Variants in TDP1 observed in about 807,000 individuals in gnomAD.
TDP1 encodes the protein tyrosyl-DNA phosphodiesterase 1.
In TDP1, 64 loss-of-function variants were observed where a neutral mutation model predicts 81.5. That is an observed-to-expected ratio of 0.79 (90% CI 0.64 to 0.97). The LOEUF is 0.97. TDP1 is among the 50% of genes least tolerant of loss of function. The pLI, the probability that TDP1 is intolerant of heterozygous loss-of-function variation, is 0.00. For missense variants in TDP1, 723 were observed against 743.8 expected, an observed-to-expected ratio of 0.97 and a Z score of 0.33; for synonymous variants, 256 against 264.3, an observed-to-expected ratio of 0.97 and a Z score of 0.30.
intron 6 of TDP1, among the ~76,000 whole-genome samples, chr14:89,974,053 C>A (rs1353550199): frequency 6.6e-6 from 1 of 152,164 alleles, no homozygotes; most frequent in African/African-American, 2.4e-5. Flanking sequence ...TGCAAATAGT[C>A]ACATTGGAAG....
Position 89,989,045 on chromosome 14 carries a change from G to C in TDP1, c.1272G>C (p.Gly424=), listed in dbSNP as rs1213196493. Residue 424 remains glycine, a synonymous_variant, in exon 11 of 17, where the codon GGG becomes GGC. Coordinates refer to ENST00000335725, the MANE Select transcript of TDP1 (RefSeq NM_018319.4). The part of the protein sequence containing the change: ...SEFKESMLTL[G]KESKTPGKSS... ...TTAAAGAGAGCATGCTGACACTGGG[G>C]AAGGAAAGCAAGACTCCAGGAAAAA... is the stretch of plus-strand genomic sequence containing the variant. The C allele has an allele frequency of 6.2e-7, 1 of 1,614,108 alleles. No homozygotes were observed. Among genetic ancestry groups the C allele is most frequent in the Non-Finnish European group, 8.5e-7 (1 of 1,179,988 alleles).
At chr14:89,960,350 TA>T (rs1892182752) in intron 2 of TDP1, among the ~76,000 whole-genome samples, 1 of 152,138 alleles carries the variant, frequency 6.6e-6, no homozygotes, top group East Asian at 1.9e-4. Flanking sequence ...TGTTGAGTAG[TA>T]AATCAATCTG....
At chr14:89,989,678 G>A (rs766138847) in intron 11 of TDP1, 39 bp from the exon 12 acceptor site, 4 of 1,490,430 alleles carry the variant, frequency 2.7e-6, no homozygotes, top group Admixed American at 3.4e-5. Flanking sequence ...TCTTCAACAT[G>A]GTACATTCCG....
intron 2 of TDP1, among the ~76,000 whole-genome samples, chr14:89,957,656 G>T (rs1194734663): frequency 6.6e-6 from 1 of 152,186 alleles, no homozygotes; most frequent in African/African-American, 2.4e-5. Context: ...AGCTCTAAAT[G>T]GAGTACCCTT....
At chr14:89,959,985 T>C (rs1001354023) in intron 2 of TDP1, among the ~76,000 whole-genome samples, 2 of 152,204 alleles carry the variant, frequency 1.3e-5, no homozygotes, top group Admixed American at 1.3e-4. Context: ...TAAGACCTGC[T>C]ACTTACTTTA....
chr14:89,967,167 A>G (rs2139977101), intron 4 of TDP1, 200 bp from the exon 5 acceptor site: 1 of 960,960 alleles, frequency 1.0e-6, no homozygotes, highest in East Asian at 1.2e-4. Flanking sequence ...ACTTGGCTCC[A>G]TTTAGGTTCT....
intron 14 of TDP1, among the ~76,000 whole-genome samples, chr14:90,003,158 G>A (rs1195200335): frequency 2.0e-5 from 3 of 152,060 alleles, no homozygotes; most frequent in East Asian, 1.9e-4. Context: ...GGCTGGTCTC[G>A]AACTCCTGAC....
chr14:89,990,711 G>A (rs1342058225), intron 12 of TDP1, among the ~76,000 whole-genome samples: 2 of 151,732 alleles, frequency 1.3e-5, no homozygotes, highest in Non-Finnish European at 2.9e-5. Flanking sequence ...TTTTAACAAA[G>A]TTGTTTTATA....
In TDP1 at chr14:90,039,673, T is replaced by TAA. The variant is rs35233912; in HGVS notation, c.1754-3384_1754-3383dup. ...ACGTCACTTGGATTTATCTGATTAT[T>TAA]AAAAAAAAAAAAAAGAAACTGTTAA... On this transcript the variant is annotated intron_variant, in intron 16 of 16. Coordinates refer to ENST00000335725, the MANE Select transcript of TDP1 (RefSeq NM_018319.4). Among the ~76,000 whole-genome samples, 241 of 140,936 alleles carry TAA rather than the reference T, an allele frequency of 1.7e-3. 1 individual carries two copies. The highest frequency in any genetic ancestry group is 5.8e-3 in the African/African-American group (227 of 38,976). 92.5% of individuals were successfully genotyped at this position (140,936 alleles called of 152,430 possible). A position where few individuals can be genotyped will look rare whatever the true frequency, so the allele number is the denominator to read the frequency against.
At chr14:89,980,481 A>C in intron 7 of TDP1, 59 bp from the exon 8 acceptor site, 1 of 1,519,918 alleles carries the variant, frequency 6.6e-7, no homozygotes, top group Non-Finnish European at 9.1e-7. Flanking sequence ...TGCATTGGAA[A>C]GGTATTACAT....
chr14:89,955,955 G>A lies in TDP1; in HGVS notation c.-246G>A, dbSNP rs1297358633. 6.6e-6 allele frequency: 1 copy of A among 152,490 alleles called. No individual in the cohort carries two copies. The highest frequency in any genetic ancestry group is 1.5e-5 in the Non-Finnish European group (1 of 68,226). 9.4% of individuals were successfully genotyped at this position (152,490 alleles called of 1,614,324 possible). On this transcript the variant is annotated 5_prime_UTR_variant, in exon 1 of 17. Coordinates refer to ENST00000335725, the MANE Select transcript of TDP1 (RefSeq NM_018319.4). ...GGGGCGGGATCCGAGGCAAGCGTTG[G>A]TTCTGTGCGCCTCAGGTACGTGTTG... is the stretch of plus-strand genomic sequence containing the variant.
intron 14 of TDP1, among the ~76,000 whole-genome samples, chr14:90,009,762 AG>A (rs1884477934): frequency 6.6e-6 from 1 of 152,264 alleles, no homozygotes; most frequent in African/African-American, 2.4e-5. Flanking sequence ...TCACTATAAA[AG>A]CAGGGTAAGA....
chr14:89,994,600 A>C (rs974861631), intron 14 of TDP1, among the ~76,000 whole-genome samples: 1 of 152,216 alleles, frequency 6.6e-6, no homozygotes, highest in Non-Finnish European at 1.5e-5. Context: ...GTTCAATGGC[A>C]GTGTGTGCTT....
intron 7 of TDP1, among the ~76,000 whole-genome samples, chr14:89,976,527 C>CCT (rs1894342383): frequency 5.6e-5 from 5 of 88,762 alleles, no homozygotes; most frequent in African/African-American, 2.0e-4. Context: ...CAACAGAGCT[C>CCT]TTTTTTTTTT....
At chr14:89,994,736 C>T (rs1348494665) in intron 14 of TDP1, among the ~76,000 whole-genome samples, 1 of 152,174 alleles carries the variant, frequency 6.6e-6, no homozygotes, top group Non-Finnish European at 1.5e-5. Context: ...CTTGCTGGGG[C>T]AGAGGCAGGA....
intron 7 of TDP1, among the ~76,000 whole-genome samples, chr14:89,978,700 T>C (rs1239502610): frequency 1.3e-5 from 2 of 152,260 alleles, no homozygotes; most frequent in Non-Finnish European, 2.9e-5. Flanking sequence ...TGATAATCGA[T>C]GTCTTGACTA....
In TDP1 at chr14:89,971,157, C is replaced by T. The variant is rs1358397000; in HGVS notation, c.660-18C>T. On this transcript the variant is annotated intron_variant, in intron 5 of 16. Coordinates refer to ENST00000335725, the MANE Select transcript of TDP1 (RefSeq NM_018319.4). ...GGCCATGAATGATGTATATTAAATA[C>T]TAATGCTCTCTTTTTAGGAAGAAGC... 1 of 1,605,376 alleles carries T rather than the reference C, an allele frequency of 6.2e-7. No individual in the cohort carries two copies. The highest frequency in any genetic ancestry group is 8.5e-7 in the Non-Finnish European group (1 of 1,172,498).
intron 15 of TDP1, among the ~76,000 whole-genome samples, chr14:90,020,006 G>GC (rs1885782140): frequency 6.6e-6 from 1 of 152,146 alleles, no homozygotes; most frequent in South Asian, 2.1e-4. Context: ...GGCCCAGTAA[G>GC]CCCCCTGGAA....
chr14:89,958,677 G>T (rs536004520), intron 2 of TDP1, among the ~76,000 whole-genome samples: 1 of 152,220 alleles, frequency 6.6e-6, no homozygotes, highest in Non-Finnish European at 1.5e-5. Flanking sequence ...AGAGGAAAGT[G>T]TGCCAAGTGG....
Sources: allele counts gnomAD v4.1 joint callset (sites outside exome capture counted in the v4.1 genomes callset), GRCh38; gene constraint gnomAD v4.1.1; transcripts MANE v1.5; gene names NCBI Gene and HGNC (gene_info 2026-07-23, HGNC 2026-07-21).